Variants in BCAS3 observed in about 807,000 individuals in gnomAD.
BCAS3 encodes BCAS4/BCAS3 fusion.
A neutral mutation model predicts 116.1 loss-of-function variants in BCAS3; 53 were observed. That is an observed-to-expected ratio of 0.46 (90% confidence interval 0.37 to 0.57). The LOEUF (loss-of-function observed/expected upper bound fraction) is 0.57. BCAS3 is among the 20% of genes least tolerant of loss of function. The pLI is 0.00. For synonymous variants in BCAS3, 391 were observed against 408.2 expected (o/e 0.96, Z 0.51); for missense variants, 917 against 1,165.4 (o/e 0.79, Z 3.10).
intron 22 of BCAS3, among the ~76,000 whole-genome samples, chr17:61,212,661 AG>A (rs947568067): frequency 6.6e-6 from 1 of 152,108 alleles, no homozygotes; most frequent in African/African-American, 2.4e-5. Context: ...AAGTCAGTAG[AG>A]TTACCCAAGA....
chr17:61,265,176 G>T lies in BCAS3; in HGVS notation c.2426-103151G>T, dbSNP rs529714676. On this transcript the variant is annotated intron_variant, in intron 22 of 23. Coordinates refer to ENST00000407086, the MANE Select transcript of BCAS3 (RefSeq NM_017679.5). The surrounding 1 kb of genome is among the most constrained non-coding windows in gnomAD (Gnocchi z 4.3). ...TGTCTGTAATCCCAGCACTTTGGGA[G>T]CCTGAGGCAGGCAGATCACCTGAGG... is the stretch of plus-strand genomic sequence containing the variant. Among the ~76,000 whole-genome samples, 1 of 152,274 alleles carries T rather than the reference G, an allele frequency of 6.6e-6. No homozygotes were observed. The highest frequency in any genetic ancestry group is 1.9e-4 in the East Asian group (1 of 5,168).
intron 7 of BCAS3, among the ~76,000 whole-genome samples, chr17:60,822,757 CCT>C (rs1285465464): frequency 6.6e-6 from 1 of 152,170 alleles, no homozygotes; most frequent in Non-Finnish European, 1.5e-5. Flanking sequence ...TGCGGTGTCC[CCT>C]CTCACTTGAA....
Position 61,258,034 on chromosome 17 carries a change from C to T in BCAS3, c.2426-110293C>T, listed in dbSNP as rs1190433099. 6.6e-6 allele frequency among the ~76,000 whole-genome samples: 1 copy of T among 152,198 alleles called. No individual in the cohort carries two copies. Among genetic ancestry groups the T allele is most frequent in the Non-Finnish European group, 1.5e-5 (1 of 68,032 alleles). On this transcript the variant is annotated intron_variant, in intron 22 of 23. Transcript: ENST00000407086. This position sits in a 1 kb window ranked among gnomAD's most constrained non-coding sequence, Gnocchi z 4.7. Reference sequence around the variant, plus strand: ...TCCCACCTTATTATTTTTGTGCACACTGTTCCTTCCTCTGAAGAGCCCTGC... The same window carrying T: ...TCCCACCTTATTATTTTTGTGCACATTGTTCCTTCCTCTGAAGAGCCCTGC...
At position 61,316,992 on chromosome 17, in the gene BCAS3, TA is replaced by T. The variant is rs1421200916; in HGVS notation, c.2426-51334del. 7.2e-5 allele frequency among the ~76,000 whole-genome samples: 11 copies of T among 152,210 alleles called. No individual in the cohort carries two copies. The highest frequency in any genetic ancestry group is 2.7e-4 in the African/African-American group (11 of 41,464). On this transcript the variant is annotated intron_variant, in intron 22 of 23. Coordinates refer to ENST00000407086, the MANE Select transcript of BCAS3 (RefSeq NM_017679.5). This position sits in a 1 kb window ranked among gnomAD's most constrained non-coding sequence, Gnocchi z 5.8. ...TCCCTCTCACCTCAGACACTGATGG[TA>T]CTATTAGAGTTCGGGAGGCTTCAAC... is the stretch of plus-strand genomic sequence containing the variant.
At chr17:60,856,764 ATATT>A in intron 7 of BCAS3, among the ~76,000 whole-genome samples, 1 of 152,262 alleles carries the variant, frequency 6.6e-6, no homozygotes, top group East Asian at 1.9e-4. Flanking sequence ...TTTGTCTTCT[ATATT>A]TATAATATTT....
chr17:61,107,943 T>A (rs750698147), intron 22 of BCAS3, among the ~76,000 whole-genome samples: 1 of 152,248 alleles, frequency 6.6e-6, no homozygotes, highest in Non-Finnish European at 1.5e-5. Context: ...TCCAAACTAT[T>A]TTCCATACTG....
intron 14 of BCAS3, among the ~76,000 whole-genome samples, chr17:60,977,491 T>TTTATTATTA (rs199534358): frequency 2.6e-4 from 39 of 149,688 alleles, no homozygotes; most frequent in East Asian, 7.8e-4. Context: ...GCACTTTCTT[T>TTTATTATTA]TTATTATTAT....
intron 16 of BCAS3, among the ~76,000 whole-genome samples, chr17:61,031,702 CTA>C (rs2066652863): frequency 6.6e-6 from 1 of 152,008 alleles, no homozygotes; most frequent in African/African-American, 2.4e-5. Context: ...ACACACAACA[CTA>C]TGTTATGTAG....
At chr17:60,978,312 G>A (rs2062559115) in intron 14 of BCAS3, among the ~76,000 whole-genome samples, 1 of 147,238 alleles carries the variant, frequency 6.8e-6, no homozygotes, top group Non-Finnish European at 1.5e-5. Context: ...TTTGAGAAGT[G>A]TCTGTTCATG....
intron 22 of BCAS3, among the ~76,000 whole-genome samples, chr17:61,223,614 A>T (rs1407203939): frequency 6.6e-6 from 1 of 152,208 alleles, no homozygotes; most frequent in African/African-American, 2.4e-5. Flanking sequence ...TATTTAATAT[A>T]CTACCTGCCA....
intron 19 of BCAS3, among the ~76,000 whole-genome samples, chr17:61,043,947 A>G (rs1488743493): frequency 6.6e-6 from 1 of 152,004 alleles, no homozygotes; most frequent in Non-Finnish European, 1.5e-5. Context: ...TTCACTTTGC[A>G]AACATTTATT....
intron 22 of BCAS3, among the ~76,000 whole-genome samples, chr17:61,142,144 A>G (rs909289159): frequency 1.3e-5 from 2 of 151,932 alleles, no homozygotes; most frequent in African/African-American, 4.8e-5. Flanking sequence ...TATGTACTGT[A>G]TATACCTTAT....
rs140526288 is a variant in BCAS3, at chr17:60,820,291, C to T, written c.476+12215C>T. On this transcript the variant is annotated intron_variant, in intron 7 of 23. Coordinates refer to ENST00000407086, the MANE Select transcript of BCAS3 (RefSeq NM_017679.5). ...TGATCTCCTGACCTTGTGATCTGCC[C>T]GCCTTGGCCTCCCAAAGTGCTGGGA... 7.4e-3 allele frequency among the ~76,000 whole-genome samples: 1,127 copies of T among 152,206 alleles called. 12 individuals carry two copies. Among genetic ancestry groups the T allele is most frequent in the African/African-American group, 0.025 (1,029 of 41,522 alleles).
At chr17:60,814,112 T>C (rs2049099974) in intron 7 of BCAS3, among the ~76,000 whole-genome samples, 1 of 152,184 alleles carries the variant, frequency 6.6e-6, no homozygotes, top group Non-Finnish European at 1.5e-5. Context: ...TATAGATTGC[T>C]TTGGGTAGTT....
At chr17:61,212,320 C>T (rs912325137) in intron 22 of BCAS3, among the ~76,000 whole-genome samples, 1 of 152,134 alleles carries the variant, frequency 6.6e-6, no homozygotes, top group African/African-American at 2.4e-5. Flanking sequence ...TCACTGCAGC[C>T]TCGAACTCCT....
At chr17:61,038,788 C>A (rs777436005) in intron 18 of BCAS3, among the ~76,000 whole-genome samples, 1 of 151,336 alleles carries the variant, frequency 6.6e-6, no homozygotes, top group Non-Finnish European at 1.5e-5. Context: ...CCTGCCTCAG[C>A]CTCCTGAGTA....
rs1016339046 is a variant in BCAS3 at position 61,349,554 on chromosome 17, G to T, written c.2426-18773G>T. Reference sequence around the variant, plus strand: ...GACCAGAGCCCCTCACTGCCCCCTGGTGTAGACAGTCTGATTGCCTACTCC... The same window carrying T: ...GACCAGAGCCCCTCACTGCCCCCTGTTGTAGACAGTCTGATTGCCTACTCC... On this transcript the variant is annotated intron_variant, in intron 22 of 23. Transcript: ENST00000407086. This position sits in a 1 kb window ranked among gnomAD's most constrained non-coding sequence, Gnocchi z 4.7. 4.6e-5 allele frequency among the ~76,000 whole-genome samples: 7 copies of T among 152,148 alleles called. No individual in the cohort carries two copies. The highest frequency in any genetic ancestry group is 8.8e-5 in the Non-Finnish European group (6 of 68,044).
chr17:61,289,134 T>G (rs1184811027), intron 22 of BCAS3, among the ~76,000 whole-genome samples: 1 of 152,212 alleles, frequency 6.6e-6, no homozygotes, highest in East Asian at 1.9e-4. Flanking sequence ...TCTAACCATA[T>G]TCTGGAACTT....
intron 22 of BCAS3, among the ~76,000 whole-genome samples, chr17:61,321,360 C>T (rs151208947): frequency 3.0e-4 from 46 of 152,356 alleles, no homozygotes; most frequent in African/African-American, 1.0e-3. Context: ...TCTACCCCAC[C>T]TCCCATCTCC....
Sources: gnomAD v4.1 joint callset for allele counts (sites outside exome capture counted in the v4.1 genomes callset) on GRCh38, gnomAD v4.1.1 for gene constraint, Gnocchi (gnomAD v3.1) non-coding constraint, MANE v1.5 for transcripts, NCBI Gene and HGNC (gene_info 2026-07-23, HGNC 2026-07-21) for gene names.